The following RNF2 variants were observed in gnomAD, a reference collection of about 807,000 sequenced individuals.
RNF2 encodes the protein E3 ubiquitin-protein ligase RING2.
RNF2 carries 6 observed loss-of-function variants against 37.2 expected under a neutral mutation model. The observed-to-expected ratio is 0.16, with a 90% CI of 0.09 to 0.32. The LOEUF (loss-of-function observed/expected upper bound fraction) is 0.32. Ranked by LOEUF, RNF2 falls within the 10% of genes least tolerant of loss-of-function variation. The probability of loss-of-function intolerance (pLI) is 1.00; values close to 1 mark genes in which losing one functional copy is unlikely to be tolerated. For missense variants in RNF2, 251 were observed against 404.0 expected (o/e 0.62, Z 3.25); for synonymous variants, 133 against 132.7 (o/e 1.00, Z -0.02).
chr1:185,061,917 CTA>C (rs1390229057), intron 1 of RNF2, among the ~76,000 whole-genome samples: 1 of 152,200 alleles, frequency 6.6e-6, no homozygotes, highest in African/African-American at 2.4e-5. Context: ...GGACCCTCAG[CTA>C]TAAGTGACCA....
intron 1 of RNF2, among the ~76,000 whole-genome samples, chr1:185,060,199 A>ACAG (rs1650557568): frequency 6.6e-6 from 1 of 152,340 alleles, no homozygotes; most frequent in Non-Finnish European, 1.5e-5. Context: ...GTTTGTCTTT[A>ACAG]ATTCAGATCT....
At chr1:185,046,007 G>T (rs1650105772) in intron 1 of RNF2, 1 of 152,064 alleles carries the variant, frequency 6.6e-6, no homozygotes, top group Admixed American at 6.5e-5. Flanking sequence ...GCCTCCGGGG[G>T]CGGGGGCCCC....
At chr1:185,048,739 G>T (rs1650185333) in intron 1 of RNF2, among the ~76,000 whole-genome samples, 1 of 151,764 alleles carries the variant, frequency 6.6e-6, no homozygotes. Flanking sequence ...TTCTAAAGTC[G>T]ATGCATAGAA....
intron 1 of RNF2, among the ~76,000 whole-genome samples, chr1:185,062,565 A>G (rs1247171433): frequency 1.3e-5 from 2 of 152,174 alleles, no homozygotes; most frequent in African/African-American, 4.8e-5. Context: ...AAGAAAGTAT[A>G]GGTGGTTGTT....
At chr1:185,054,291 C>G (rs905497705) in intron 1 of RNF2, among the ~76,000 whole-genome samples, 2 of 152,164 alleles carry the variant, frequency 1.3e-5, no homozygotes, top group Non-Finnish European at 2.9e-5. Context: ...CCCCAGTTTA[C>G]AGGTAAGGAA....
intron 1 of RNF2, among the ~76,000 whole-genome samples, chr1:185,050,035 C>T (rs1003140839): frequency 1.3e-5 from 2 of 152,146 alleles, no homozygotes; most frequent in Non-Finnish European, 2.9e-5. Flanking sequence ...GCCATAACAA[C>T]ATAGAGTCTG....
At chr1:185,073,823 A>G (rs72739699) in intron 1 of RNF2, among the ~76,000 whole-genome samples, 22,262 of 152,192 alleles carry the variant, frequency 0.15, 1,864 homozygotes, top group East Asian at 0.26. Context: ...TTGCTACACT[A>G]ACAATTCTCC....
At chr1:185,097,935 A>C in intron 4 of RNF2, 137 bp from the exon 5 acceptor site, 2 of 862,030 alleles carry the variant, frequency 2.3e-6, no homozygotes, top group Non-Finnish European at 3.5e-6. Flanking sequence ...TGTGGGAAAC[A>C]ATATCATCCA....
Position 185,087,542 on chromosome 1 carries a change from T to G in RNF2, c.-2-10T>G. 1 of 1,613,370 alleles carries G rather than the reference T, an allele frequency of 6.2e-7. No homozygotes were observed. The highest frequency in any genetic ancestry group is 2.2e-5 in the East Asian group (1 of 44,878). ...TACTAAAATTGTTTTTCTCTCTTCT[T>G]TATTTCCAGCAATGTCTCAGGCTGT... On this transcript the variant is annotated splice_polypyrimidine_tract_variant and intron_variant, in intron 1 of 6. Coordinates refer to ENST00000367510, the MANE Select transcript of RNF2 (RefSeq NM_007212.4).
intron 1 of RNF2, among the ~76,000 whole-genome samples, chr1:185,074,826 C>T (rs1474691953): frequency 1.3e-5 from 2 of 151,930 alleles, no homozygotes; most frequent in Non-Finnish European, 2.9e-5. Context: ...ATTTAAAGTA[C>T]ACAGGAGGAG....
chr1:185,100,166 GT>G, intron 6 of RNF2, 33 bp from the exon 7 acceptor site: 1 of 1,498,086 alleles, frequency 6.7e-7, no homozygotes, highest in Non-Finnish European at 9.1e-7. Flanking sequence ...GGTTTGTGCA[GT>G]TTTCATAATT....
chr1:185,095,805 C>T (rs1030217477), intron 4 of RNF2, among the ~76,000 whole-genome samples: 1 of 149,702 alleles, frequency 6.7e-6, no homozygotes, highest in African/African-American at 2.5e-5. Flanking sequence ...TCTGTGTTTA[C>T]AAATATTTTT....
At chr1:185,057,396 G>T (rs548325953) in intron 1 of RNF2, among the ~76,000 whole-genome samples, 3 of 152,162 alleles carry the variant, frequency 2.0e-5, no homozygotes, top group Admixed American at 2.0e-4. Context: ...AATATTTTAG[G>T]TGTATGAACC....
chr1:185,080,618 T>C (rs1157607113), intron 1 of RNF2, among the ~76,000 whole-genome samples: 3 of 152,166 alleles, frequency 2.0e-5, no homozygotes, highest in Non-Finnish European at 4.4e-5. Flanking sequence ...AGAGAACATA[T>C]TATTGTAATG....
At chr1:185,046,618 A>C (rs1206219034) in intron 1 of RNF2, among the ~76,000 whole-genome samples, 1 of 152,188 alleles carries the variant, frequency 6.6e-6, no homozygotes, top group Admixed American at 6.5e-5. Context: ...ATGTAACTTT[A>C]CATTGTAAAA....
intron 5 of RNF2, 99 bp downstream of exon 5, chr1:185,098,443 C>T (rs1651977715): frequency 1.5e-6 from 2 of 1,363,976 alleles, no homozygotes; most frequent in African/African-American, 1.4e-5. Flanking sequence ...TATTTGTCAT[C>T]CCATTGATTG....
intron 1 of RNF2, among the ~76,000 whole-genome samples, chr1:185,063,123 A>T (rs1188835644): frequency 3.3e-5 from 5 of 152,150 alleles, no homozygotes; most frequent in Non-Finnish European, 5.9e-5. Flanking sequence ...TATACACTAA[A>T]CCTGTAACTG....
intron 1 of RNF2, among the ~76,000 whole-genome samples, chr1:185,047,857 A>G (rs1241436585): frequency 6.6e-6 from 1 of 152,242 alleles, no homozygotes; most frequent in Non-Finnish European, 1.5e-5. Flanking sequence ...CACACACTGT[A>G]GAAGACATTG....
chr1:185,048,809 C>G (rs1459968772), intron 1 of RNF2, among the ~76,000 whole-genome samples: 1 of 152,082 alleles, frequency 6.6e-6, no homozygotes, highest in East Asian at 1.9e-4. Flanking sequence ...GAAGGCAGAA[C>G]AACATACCAA....
Sources: gnomAD v4.1 joint callset for allele counts (sites outside exome capture counted in the v4.1 genomes callset) on GRCh38, gnomAD v4.1.1 for gene constraint, MANE v1.5 for transcripts, NCBI Gene and HGNC (gene_info 2026-07-23, HGNC 2026-07-21) for gene names.